PKD1: variants seen among roughly 807,000 people sequenced by gnomAD.
The protein encoded by PKD1 is polycystin-1.
In PKD1, 81 loss-of-function variants were observed where a neutral mutation model predicts 361.7. That is an observed-to-expected ratio of 0.22 (90% CI 0.19 to 0.27). The LOEUF is 0.27. PKD1 is among the 10% of genes least tolerant of loss of function. PKD1 has a pLI of 1.00. For synonymous variants in PKD1, 3,615 were observed against 2,818.3 expected (o/e 1.28, Z -8.95); for missense variants, 6,399 against 6,118.3 (o/e 1.05, Z -1.53).
chr16:2,108,069 G>A (rs1439466899), intron 15 of PKD1, 37 bp from the exon 16 acceptor site: 45 of 1,586,350 alleles, frequency 2.8e-5, no homozygotes, highest in East Asian at 4.6e-5. Context: ...TGGCCTGAGA[G>A]CCCCATCCAG....
intron 9 of PKD1, 87 bp from the exon 10 acceptor site, chr16:2,115,712 C>G: frequency 7.5e-7 from 1 of 1,335,044 alleles, no homozygotes; most frequent in East Asian, 2.4e-5. Context: ...CAATCCTGGC[C>G]TTGCTGTGAG....
In PKD1 at chr16:2,104,530, G is replaced by T. The variant is rs199700485; in HGVS notation, c.8129C>A (p.Thr2710Asn). The T allele has an allele frequency of 5.5e-4, 868 of 1,567,470 alleles. 1 individual carries two copies. The highest frequency in any genetic ancestry group is 6.9e-4 in the Non-Finnish European group (800 of 1,155,820). Residue 2710 changes from threonine to asparagine, a missense_variant, in exon 22 of 46, where the codon ACC (threonine) becomes AAC (asparagine). Thr to Asn is a moderately conservative substitution (Grantham distance 65). Coordinates refer to ENST00000262304, the MANE Select transcript of PKD1 (RefSeq NM_001009944.3). ...AETTAGTVTP[T>N]AIGDSILNIT... is the part of the protein sequence containing the mutation. Reference sequence around the variant, plus strand: ...GTTGAGGATGCTGTCTCCGATGGCGGTGGGCGTCACGGTGCCCGCGGTGGT... The same window carrying T: ...GTTGAGGATGCTGTCTCCGATGGCGTTGGGCGTCACGGTGCCCGCGGTGGT...
Position 2,093,619 on chromosome 16 carries a change from C to A in PKD1, c.10941G>T (p.Arg3647=), listed in dbSNP as rs1332645893. 1 of 1,609,048 alleles carries A rather than the reference C, an allele frequency of 6.2e-7. No homozygotes were observed. Among genetic ancestry groups the A allele is most frequent in the Non-Finnish European group, 8.5e-7 (1 of 1,178,246 alleles). ...TPVSARVPRV[R]PPHGFALFLA... is the part of the protein sequence containing the mutation. ...GGAAGAGTGCAAAGCCGTGGGGTGGCCGTACGCGGGGCACACGTGCGCTCA... is the reference window on the plus strand; with the variant it reads ...GGAAGAGTGCAAAGCCGTGGGGTGGACGTACGCGGGGCACACGTGCGCTCA... Residue 3647 remains arginine, a synonymous_variant, in exon 37 of 46, where the codon CGG becomes CGT. Coordinates refer to ENST00000262304, the MANE Select transcript of PKD1 (RefSeq NM_001009944.3).
intron 1 of PKD1, among the ~76,000 whole-genome samples, chr16:2,131,049 G>C (rs2092870346): frequency 6.6e-6 from 1 of 152,222 alleles, no homozygotes; most frequent in African/African-American, 2.4e-5. Context: ...TGGGATGTCG[G>C]CTCCAACGAC....
chr16:2,089,849 G>A lies in PKD1; in HGVS notation c.12790C>T (p.Pro4264Ser), dbSNP rs757659984. 6.8e-6 allele frequency: 11 copies of A among 1,607,550 alleles called. No individual in the cohort carries two copies. Among genetic ancestry groups the A allele is most frequent in the Non-Finnish European group, 9.3e-6 (11 of 1,177,824 alleles). Reference sequence around the variant, plus strand: ...CTGGGCAGTGCTGGCCGCAGGCCCGGGGATGGGCCACGGGAAGATCCGGCG... The same window carrying A: ...CTGGGCAGTGCTGGCCGCAGGCCCGAGGATGGGCCACGGGAAGATCCGGCG... ...APAGSSRGPS[P>S]GLRPALPSRL... The change falls in exon 46 of 46, where the codon CCG becomes TCG. Residue 4264 changes from proline (P) to serine (S), a missense_variant. Pro to Ser is a moderately conservative substitution (Grantham distance 74). Transcript: ENST00000262304.
At position 2,111,851 on chromosome 16, in the gene PKD1, G is replaced by C. The variant is rs141625744; in HGVS notation, c.3316C>G (p.Leu1106Val). The C allele has an allele frequency of 3.0e-3, 4,849 of 1,610,294 alleles. 11 individuals carry two copies. The highest frequency in any genetic ancestry group is 3.7e-3 in the Non-Finnish European group (4,343 of 1,179,534). ...AAPGEYLLTV[L>V]ASNAFENLTQ... ...AGGTTCTCGAAGGCATTAGATGCCAGCACGGTCAGGAGGTACTCACCTGTG... is the reference window on the plus strand; with the variant it reads ...AGGTTCTCGAAGGCATTAGATGCCACCACGGTCAGGAGGTACTCACCTGTG... Residue 1106 changes from leucine (L) to valine (V), a missense_variant, in exon 15 of 46, where the codon CTG becomes GTG. Leu to Val is a conservative substitution (Grantham distance 32). Coordinates refer to ENST00000262304, the MANE Select transcript of PKD1 (RefSeq NM_001009944.3).
chr16:2,091,285 G>GGC, intron 42 of PKD1, 111 bp from the exon 43 acceptor site: 1 of 391,604 alleles, frequency 2.6e-6, no homozygotes, highest in Non-Finnish European at 3.7e-6. Context: ...ACGCTGCCGG[G>GGC]GCGGGGCCCT....
In PKD1 at chr16:2,115,541, C is replaced by T. The variant is rs1456617412; in HGVS notation, c.1934G>A (p.Arg645His). The T allele has an allele frequency of 8.8e-6, 14 of 1,588,906 alleles. No homozygotes were observed. The highest frequency in any genetic ancestry group is 8.6e-5 in the Admixed American group (5 of 58,326). Reference protein sequence around the residue: ...QLAPACMPGGRWCPGANICLP... With the variant: ...QLAPACMPGGHWCPGANICLP... The stretch of plus-strand genomic sequence containing the variant: ...GCAGATGTTGGCTCCAGGGCACCAG[C>T]GTCCCCCTGGCATGCACGCGGGGGC... Residue 645 changes from arginine to histidine, a missense_variant, in exon 10 of 46, where the codon CGC (arginine) becomes CAC (histidine). Arg to His is a conservative substitution (Grantham distance 29). Coordinates refer to ENST00000262304, the MANE Select transcript of PKD1 (RefSeq NM_001009944.3).
Position 2,093,537 on chromosome 16 carries a change from G to A in PKD1, c.11016+7C>T, listed in dbSNP as rs931012462. The A allele has an allele frequency of 1.3e-6, 2 of 1,593,572 alleles. No homozygotes were observed. Among genetic ancestry groups the A allele is most frequent in the African/African-American group, 1.3e-5 (1 of 74,758 alleles). On this transcript the variant is annotated splice_region_variant and intron_variant, in intron 37 of 45. Transcript: ENST00000262304. ...GTGGCAGGGGCACAGGCCGCACCCA[G>A]GCTCACCCGCAGCATGCCATGTAGC...
In PKD1 at chr16:2,109,556, C is replaced by A. The variant is rs144137200; in HGVS notation, c.5611G>T (p.Ala1871Ser). Residue 1871 changes from alanine (A) to serine (S), a missense_variant, in exon 15 of 46, where the codon GCA becomes TCA. Transcript: ENST00000262304. Reference protein sequence around the residue: ...TFSIRLNASNAVSWVSATYNL... With the variant: ...TFSIRLNASNSVSWVSATYNL... ...TACGTGGCTGAGACCCAGCTGACTG[C>A]GTTGGAGGCATTGAGCCGGATGGAG... is the stretch of plus-strand genomic sequence containing the variant. The A allele has an allele frequency of 6.2e-7, 1 of 1,611,480 alleles. No homozygotes were observed. Among genetic ancestry groups the A allele is most frequent in the East Asian group, 2.2e-5 (1 of 44,868 alleles).
intron 30 of PKD1, chr16:2,099,265 C>A: frequency 5.6e-6 from 2 of 359,036 alleles, no homozygotes; most frequent in Non-Finnish European, 1.1e-5. Context: ...CCCGGCCCGG[C>A]CACTGGGACG....
rs748184683 is a variant in PKD1 at position 2,105,436 on chromosome 16, G to A, written c.7902C>T (p.His2634=). 2.0e-5 allele frequency: 32 copies of A among 1,588,652 alleles called. 1 individual carries two copies. The highest frequency in any genetic ancestry group is 1.5e-4 in the African/African-American group (11 of 73,068). The change falls in exon 21 of 46, where the codon CAC becomes CAT. Residue 2634 remains histidine, a synonymous_variant. Transcript: ENST00000262304. ...GTATCTGGGCTCGGTGCTGCCGCTC[G>A]TGCTTGGGCTCTGCCGCCACGTCCA... ...RALDVAAEPK[H]ERQHRAQIRK...
At chr16:2,120,152 C>T (rs1314673143) in intron 1 of PKD1, 1 of 478,402 alleles carries the variant, frequency 2.1e-6, no homozygotes, top group African/African-American at 2.0e-5. Context: ...GTCAAGGCTA[C>T]AGGGAGCTGA....
intron 1 of PKD1, among the ~76,000 whole-genome samples, chr16:2,128,722 T>A (rs1170883549): frequency 7.2e-5 from 11 of 152,272 alleles, no homozygotes; most frequent in Admixed American, 4.6e-4. Flanking sequence ...CTTTTCTTTT[T>A]GAGACAGAGT....
At chr16:2,093,211 G>A in intron 37 of PKD1, 118 bp from the exon 38 acceptor site, 1 of 1,266,624 alleles carries the variant, frequency 7.9e-7, no homozygotes, top group Non-Finnish European at 1.1e-6. Flanking sequence ...TGAGCTGGCA[G>A]GGGGCGCCCC....
Position 2,111,255 on chromosome 16 carries a change from G to A in PKD1, c.3912C>T (p.Cys1304=), listed in dbSNP as rs2092496046. Residue 1304 remains cysteine (C), a synonymous_variant, in exon 15 of 46, where the codon TGC becomes TGT. Coordinates refer to ENST00000262304, the MANE Select transcript of PKD1 (RefSeq NM_001009944.3). ...GCCGCGCGTCAGGCTGCGTGGGGAT[G>A]CAGGCGGCGGGTTCAACGCGCAGCA... ...LEVLRVEPAA[C]IPTQPDARLT... 1.2e-6 allele frequency: 2 copies of A among 1,610,294 alleles called. No individual in the cohort carries two copies. Among genetic ancestry groups the A allele is most frequent in the Admixed American group, 1.7e-5 (1 of 59,980 alleles).
chr16:2,092,696 GC>G, intron 38 of PKD1, 104 bp from the exon 39 acceptor site: 1 of 911,184 alleles, frequency 1.1e-6, no homozygotes. Flanking sequence ...TGCCCTGCTG[GC>G]CACGGCTAGA....
chr16:2,132,238 G>A (rs1167728554), intron 1 of PKD1, among the ~76,000 whole-genome samples: 11 of 140,704 alleles, frequency 7.8e-5, no homozygotes, highest in African/African-American at 2.4e-4. Context: ...CAACAAGAGC[G>A]AAACTCCGTC....
chr16:2,093,679 A>T lies in PKD1; in HGVS notation c.10881T>A (p.Asp3627Glu). 1 of 1,605,958 alleles carries T rather than the reference A, an allele frequency of 6.2e-7. No individual in the cohort carries two copies. Among genetic ancestry groups the T allele is most frequent in the Non-Finnish European group, 8.5e-7 (1 of 1,176,514 alleles). The change falls in exon 37 of 46, where the codon GAT (aspartate) becomes GAA (glutamate). Residue 3627 changes from aspartate to glutamate, a missense_variant. Coordinates refer to ENST00000262304, the MANE Select transcript of PKD1 (RefSeq NM_001009944.3). Reference sequence around the variant, plus strand: ...CAGCCGGGCTCTCTACCAGGGTGTCATCTTCATCCGGGTGCAGCCGCTTGG... The same window carrying T: ...CAGCCGGGCTCTCTACCAGGGTGTCTTCTTCATCCGGGTGCAGCCGCTTGG... ...LVAKRLHPDE[D>E]DTLVESPAVT... is the part of the protein sequence containing the mutation.
Sources: allele counts gnomAD v4.1 joint callset (sites outside exome capture counted in the v4.1 genomes callset), GRCh38; gene constraint gnomAD v4.1.1; transcripts MANE v1.5; gene names NCBI Gene and HGNC (gene_info 2026-07-23, HGNC 2026-07-21).